The following NCKAP5 variants were observed in gnomAD, a reference collection of about 807,000 sequenced individuals.
NCKAP5 encodes the protein nck-associated protein 5.
NCKAP5 carries 92 observed loss-of-function variants against 167.0 expected under a neutral mutation model. That is an observed-to-expected ratio of 0.55 (90% confidence interval 0.47 to 0.66). The LOEUF (loss-of-function observed/expected upper bound fraction) is 0.66, where lower values mean the gene tolerates loss of function less well. NCKAP5 is among the 30% of genes least tolerant of loss of function. NCKAP5 has a pLI of 0.00. For missense variants in NCKAP5, 2,378 were observed against 2,315.0 expected (o/e 1.03, Z -0.56); for synonymous variants, 891 against 877.4 (o/e 1.02, Z -0.27).
At chr2:133,329,348 G>A (rs1200622520) in intron 3 of NCKAP5, among the ~76,000 whole-genome samples, 1 of 152,136 alleles carries the variant, frequency 6.6e-6, no homozygotes, top group Non-Finnish European at 1.5e-5. Context: ...AGAAGAGGGA[G>A]TACCAAGCAT....
intron 10 of NCKAP5, among the ~76,000 whole-genome samples, chr2:132,865,192 G>A (rs1434249109): frequency 3.9e-5 from 6 of 152,036 alleles, no homozygotes; most frequent in South Asian, 2.1e-4. Context: ...CTTCAACATC[G>A]AATACTAAAA....
chr2:133,338,545 G>T (rs981717861), intron 3 of NCKAP5, among the ~76,000 whole-genome samples: 4 of 152,154 alleles, frequency 2.6e-5, no homozygotes, highest in African/African-American at 9.7e-5. Flanking sequence ...ATGAGTATCA[G>T]GTTCTTTTTT....
intron 3 of NCKAP5, among the ~76,000 whole-genome samples, chr2:133,352,577 C>T (rs536511624): frequency 2.0e-5 from 3 of 152,156 alleles, no homozygotes; most frequent in Admixed American, 6.5e-5. Context: ...CTCTTAGCCT[C>T]CTGAAGGCTA....
At chr2:133,242,254 C>CTTTT (rs1485944636) in intron 4 of NCKAP5, among the ~76,000 whole-genome samples, 1 of 135,380 alleles carries the variant, frequency 7.4e-6, no homozygotes, top group African/African-American at 3.4e-5. Flanking sequence ...CTTTTCTTTT[C>CTTTT]TTTTCTTTTT....
chr2:133,639,910 A>G, the NCKAP5 span, among the ~76,000 whole-genome samples: 3 of 152,204 alleles, frequency 2.0e-5, no homozygotes, highest in African/African-American at 7.2e-5. Context: ...ATATGACACA[A>G]TTATCATGGA....
intron 11 of NCKAP5, among the ~76,000 whole-genome samples, chr2:132,835,826 AGT>A (rs756529704): frequency 5.3e-5 from 8 of 152,158 alleles, no homozygotes; most frequent in Non-Finnish European, 1.2e-4. Flanking sequence ...AAAAAATAGA[AGT>A]GTCTCACCCA....
intron 3 of NCKAP5, among the ~76,000 whole-genome samples, chr2:133,335,123 A>G (rs1683124377): frequency 6.6e-6 from 1 of 152,040 alleles, no homozygotes; most frequent in African/African-American, 2.4e-5. Flanking sequence ...TAAGTGCCCA[A>G]ATCTAGACAC....
intron 6 of NCKAP5, among the ~76,000 whole-genome samples, chr2:133,042,859 T>G (rs2079261171): frequency 6.6e-6 from 1 of 152,206 alleles, no homozygotes; most frequent in Admixed American, 6.5e-5. Flanking sequence ...GTCATTGCTC[T>G]TTTGTATTGG....
chr2:133,363,645 G>A (rs1018629304), intron 3 of NCKAP5, among the ~76,000 whole-genome samples: 18 of 152,128 alleles, frequency 1.2e-4, no homozygotes, highest in African/African-American at 4.1e-4. Flanking sequence ...GATAAGGCAT[G>A]TCTTATGATC....
intron 3 of NCKAP5, among the ~76,000 whole-genome samples, chr2:133,511,518 AC>A (rs1683492688): frequency 6.6e-6 from 1 of 152,030 alleles, no homozygotes; most frequent in Admixed American, 6.6e-5. Context: ...CTCCACCTCC[AC>A]CCACTCTCAA....
chr2:133,494,932 T>A (rs2151367412), intron 3 of NCKAP5, among the ~76,000 whole-genome samples: 1 of 152,262 alleles, frequency 6.6e-6, no homozygotes, highest in Admixed American at 6.5e-5. Context: ...GAGTCTGGCA[T>A]CTTTTAAGGT....
intron 3 of NCKAP5, among the ~76,000 whole-genome samples, chr2:133,411,303 G>C (rs1004201600): frequency 1.3e-5 from 2 of 152,150 alleles, no homozygotes; most frequent in African/African-American, 4.8e-5. Context: ...GAAACATCTG[G>C]AGCCCTGGTG....
intron 3 of NCKAP5, among the ~76,000 whole-genome samples, chr2:133,473,059 C>T (rs933070363): frequency 6.6e-6 from 1 of 152,120 alleles, no homozygotes; most frequent in Non-Finnish European, 1.5e-5. Context: ...TAGGGCCGGG[C>T]GCGATGGCTC....
intron 5 of NCKAP5, among the ~76,000 whole-genome samples, chr2:133,144,521 G>T (rs2083115506): frequency 1.3e-5 from 2 of 152,006 alleles, no homozygotes. Context: ...TTACTGTTAA[G>T]AAACAAAAAC....
intron 9 of NCKAP5, among the ~76,000 whole-genome samples, chr2:132,873,134 C>T (rs2148782518): frequency 6.6e-6 from 1 of 152,276 alleles, no homozygotes; most frequent in South Asian, 2.1e-4. Flanking sequence ...GACAGAGTCT[C>T]ACTTTGTCAC....
At chr2:132,935,979 TC>T (rs147654871) in intron 8 of NCKAP5, among the ~76,000 whole-genome samples, 1 of 148,264 alleles carries the variant, frequency 6.7e-6, no homozygotes, top group East Asian at 1.9e-4. Context: ...ATATTTTTTT[TC>T]TTTTTTTTTT....
chr2:133,480,439 C>T (rs1371008024), intron 3 of NCKAP5, among the ~76,000 whole-genome samples: 2 of 152,080 alleles, frequency 1.3e-5, no homozygotes, highest in African/African-American at 4.8e-5. Context: ...TAACAGCACC[C>T]TTCCTGTTTT....
chr2:133,436,133 C>A (rs375951009), intron 3 of NCKAP5, among the ~76,000 whole-genome samples: 1 of 152,270 alleles, frequency 6.6e-6, no homozygotes, highest in African/African-American at 2.4e-5. Flanking sequence ...TCCATGTAGC[C>A]CAACTACAAG....
chr2:133,181,975 T>C (rs2084758683), intron 5 of NCKAP5, among the ~76,000 whole-genome samples: 2 of 152,148 alleles, frequency 1.3e-5, no homozygotes, highest in African/African-American at 4.8e-5. Context: ...AGTGACTATA[T>C]TAATATCAGG....
Sources: allele counts gnomAD v4.1 joint callset (sites outside exome capture counted in the v4.1 genomes callset), GRCh38; gene constraint gnomAD v4.1.1; transcripts MANE v1.5; gene names NCBI Gene and HGNC (gene_info 2026-07-23, HGNC 2026-07-21).